Variants in ESRRG observed in about 807,000 individuals in gnomAD.
ESRRG encodes the protein estrogen related receptor gamma.
Under a neutral mutation model 44.0 loss-of-function variants are expected in ESRRG, and 13 were observed. The observed-to-expected ratio is 0.30, with a 90% CI of 0.19 to 0.47. The LOEUF (loss-of-function observed/expected upper bound fraction) is 0.47, where lower values mean the gene tolerates loss of function less well. Ranked by LOEUF, ESRRG falls within the 20% of genes least tolerant of loss-of-function variation. The probability of loss-of-function intolerance (pLI) is 1.00; values close to 1 mark genes in which losing one functional copy is unlikely to be tolerated. For missense variants in ESRRG, 395 were observed against 580.6 expected (o/e 0.68, Z 3.29); for synonymous variants, 215 against 214.6 (o/e 1.00, Z -0.02).
At chr1:217,007,801 CA>C (rs1227316730) in intron 1 of ESRRG, among the ~76,000 whole-genome samples, 2 of 151,988 alleles carry the variant, frequency 1.3e-5, no homozygotes, top group African/African-American at 4.8e-5. Context: ...TACTATATGC[CA>C]AACACTGTTC....
intron 2 of ESRRG, among the ~76,000 whole-genome samples, chr1:216,876,597 T>C (rs1387218421): frequency 6.6e-6 from 1 of 151,860 alleles, no homozygotes; most frequent in Admixed American, 6.6e-5. Flanking sequence ...ATTTTTGTCA[T>C]ACCTTTTTTT....
At chr1:216,996,152 T>G (rs1021271090) in intron 1 of ESRRG, among the ~76,000 whole-genome samples, 1 of 152,178 alleles carries the variant, frequency 6.6e-6, no homozygotes, top group African/African-American at 2.4e-5. Context: ...GAGTGCAGAT[T>G]TAAAATGAGG....
chr1:216,519,436 G>A lies in ESRRG; in HGVS notation c.863-15C>T, dbSNP rs540745803. Reference sequence around the variant, plus strand: ...CGTGGAGAAGCCTGCATGGAAAGATGGGCAGATCAAGTTACTTTAAAGCCA... The same window carrying A: ...CGTGGAGAAGCCTGCATGGAAAGATAGGCAGATCAAGTTACTTTAAAGCCA... On this transcript the variant is annotated splice_polypyrimidine_tract_variant and intron_variant, in intron 5 of 6. Coordinates refer to ENST00000408911, the MANE Select transcript of ESRRG (RefSeq NM_001438.4). 3 of 1,591,230 alleles carry A rather than the reference G, an allele frequency of 1.9e-6. No individual in the cohort carries two copies. The highest frequency in any genetic ancestry group is 4.5e-5 in the East Asian group (2 of 44,786).
chr1:216,966,945 G>T (rs2070514592), intron 1 of ESRRG, among the ~76,000 whole-genome samples: 1 of 152,076 alleles, frequency 6.6e-6, no homozygotes, highest in South Asian at 2.1e-4. Context: ...GGCCCTACTT[G>T]CATCTCATGC....
intron 1 of ESRRG, among the ~76,000 whole-genome samples, chr1:217,040,048 A>G (rs1425553469): frequency 1.3e-5 from 2 of 152,178 alleles, no homozygotes; most frequent in Non-Finnish European, 2.9e-5. Context: ...TGAGACAGAG[A>G]GTGTGTGTAA....
At chr1:216,757,388 C>A (rs2092514116) in intron 2 of ESRRG, among the ~76,000 whole-genome samples, 1 of 151,990 alleles carries the variant, frequency 6.6e-6, no homozygotes, top group Non-Finnish European at 1.5e-5. Context: ...TCAAAACAAA[C>A]CATCTCTATA....
intron 1 of ESRRG, among the ~76,000 whole-genome samples, chr1:217,133,014 G>C (rs2092987019): frequency 6.6e-6 from 1 of 152,176 alleles, no homozygotes; most frequent in African/African-American, 2.4e-5. Flanking sequence ...AGGAGAAAGA[G>C]AACTTGGGGT....
intron 5 of ESRRG, among the ~76,000 whole-genome samples, chr1:216,560,846 A>G (rs2058591193): frequency 6.6e-6 from 1 of 152,224 alleles, no homozygotes; most frequent in African/African-American, 2.4e-5. Flanking sequence ...GACGAAATTG[A>G]AAGAGAAATA....
chr1:216,679,550 A>G (rs1291072990), intron 1 of ESRRG, among the ~76,000 whole-genome samples: 1 of 151,710 alleles, frequency 6.6e-6, no homozygotes, highest in African/African-American at 2.4e-5. Context: ...TCTCTCCAGC[A>G]CTGAATTTCC....
chr1:216,506,936 T>G lies in ESRRG; in HGVS notation c.*3A>C. The G allele has an allele frequency of 6.2e-7, 1 of 1,612,904 alleles. No individual in the cohort carries two copies. The highest frequency in any genetic ancestry group is 8.5e-7 in the Non-Finnish European group (1 of 1,179,314). Reference sequence around the variant, plus strand: ...AGGATGGGAAGGCCCAGGGAGCTTTTAGTCAGACCTTGGCCTCCAACATTT... The same window carrying G: ...AGGATGGGAAGGCCCAGGGAGCTTTGAGTCAGACCTTGGCCTCCAACATTT... On this transcript the variant is annotated 3_prime_UTR_variant, in exon 7 of 7. Coordinates refer to ENST00000408911, the MANE Select transcript of ESRRG (RefSeq NM_001438.4).
chr1:216,620,515 G>A (rs932818731), intron 3 of ESRRG, among the ~76,000 whole-genome samples: 2 of 152,118 alleles, frequency 1.3e-5, no homozygotes, highest in African/African-American at 4.8e-5. Flanking sequence ...CTTAAGGACT[G>A]GCAAACCTAT....
intron 1 of ESRRG, among the ~76,000 whole-genome samples, chr1:217,088,398 CTTTTTTTTTTTTTTT>C (rs71585811): frequency 1.8e-4 from 11 of 59,736 alleles, no homozygotes; most frequent in East Asian, 1.2e-3. Context: ...TTTTTCCTGT[CTTTTTTTTTTTTTTT>C]TTTTTTTTTT....
chr1:216,799,825 G>A (rs946752617), intron 2 of ESRRG, among the ~76,000 whole-genome samples: 4 of 152,046 alleles, frequency 2.6e-5, no homozygotes, highest in Non-Finnish European at 2.9e-5. Context: ...GCACTTCCAC[G>A]GGACTGGGTG....
chr1:216,945,007 T>C lies in ESRRG; in HGVS notation c.-105-5334A>G, dbSNP rs149865738. Among the ~76,000 whole-genome samples the C allele has an allele frequency of 2.1e-3, 318 of 152,262 alleles. 2 individuals are homozygous for C. The highest frequency in any genetic ancestry group is 7.2e-3 in the African/African-American group (299 of 41,548). ...AACAAACCGTCTCCAGTGGTTATTA[T>C]GACATAACACTTCTGATGATTAATT... On this transcript the variant is annotated intron_variant, in intron 1 of 7. Coordinates refer to the ESRRG transcript ENST00000359162.
chr1:216,567,645 A>G (rs1370796035), intron 4 of ESRRG, among the ~76,000 whole-genome samples: 1 of 152,192 alleles, frequency 6.6e-6, no homozygotes, highest in East Asian at 1.9e-4. Flanking sequence ...ACTAATGATC[A>G]CAGTATGATC....
At chr1:216,957,782 T>A (rs2068238593) in intron 1 of ESRRG, among the ~76,000 whole-genome samples, 1 of 152,198 alleles carries the variant, frequency 6.6e-6, no homozygotes, top group Non-Finnish European at 1.5e-5. Flanking sequence ...AAAGTCTAAG[T>A]ATTAAATTAT....
At chr1:216,907,519 T>C (rs1332112865) in intron 2 of ESRRG, among the ~76,000 whole-genome samples, 1 of 152,138 alleles carries the variant, frequency 6.6e-6, no homozygotes, top group Non-Finnish European at 1.5e-5. Flanking sequence ...AATGAACAAG[T>C]ATGGTTAAGT....
intron 1 of ESRRG, among the ~76,000 whole-genome samples, chr1:216,717,281 C>T (rs371288455): frequency 1.2e-3 from 184 of 151,902 alleles, no homozygotes; most frequent in African/African-American, 4.3e-3. Flanking sequence ...GGACAAGAAA[C>T]ATGTGTCACT....
rs1343867107 is a variant in ESRRG at position 216,677,393 on chromosome 1, C to T, written c.155G>A (p.Ser52Asn). ...GCCACCAGGGCTGTGGTGGTTGACGCTGTCCGTCAGGGAGGCTGGGCTGGA... is the reference window on the plus strand; with the variant it reads ...GCCACCAGGGCTGTGGTGGTTGACGTTGTCCGTCAGGGAGGCTGGGCTGGA... ...EPSSPASLTDSVNHHSPGGSS... is the reference protein window; with the variant it reads ...EPSSPASLTDNVNHHSPGGSS... Residue 52 changes from serine (S) to asparagine (N), a missense_variant, in exon 2 of 7, where the codon AGC (serine) becomes AAC (asparagine). This residue lies in a region of ESRRG where 148 missense variants were observed against 150.4 expected (regional missense o/e 0.98). Transcript: ENST00000408911. 2.5e-6 allele frequency: 4 copies of T among 1,614,128 alleles called. No homozygotes were observed. The highest frequency in any genetic ancestry group is 3.4e-6 in the Non-Finnish European group (4 of 1,180,010).
Sources: gnomAD v4.1 joint callset for allele counts (sites outside exome capture counted in the v4.1 genomes callset) on GRCh38, gnomAD v4.1.1 for gene constraint, gnomAD v4.1.1 regional missense constraint, MANE v1.5 for transcripts, NCBI Gene and HGNC (gene_info 2026-07-23, HGNC 2026-07-21) for gene names.